Variants in ROBO1 observed in about 807,000 individuals in gnomAD.
The protein encoded by ROBO1 is roundabout homolog 1.
A neutral mutation model predicts 195.9 loss-of-function variants in ROBO1; 149 were observed. That is an observed-to-expected ratio of 0.76 (90% CI 0.67 to 0.87). The LOEUF (loss-of-function observed/expected upper bound fraction) is 0.87. Ranked by LOEUF, ROBO1 falls within the 40% of genes least tolerant of loss-of-function variation. ROBO1 has a pLI of 0.00. For missense variants in ROBO1, 1,933 were observed against 2,068.3 expected (o/e 0.93, Z 1.27); for synonymous variants, 816 against 733.2 (o/e 1.11, Z -1.82).
At chr3:78,602,860 A>G (rs1703256592) in intron 29 of ROBO1, among the ~76,000 whole-genome samples, 1 of 152,166 alleles carries the variant, frequency 6.6e-6, no homozygotes, top group African/African-American at 2.4e-5. Context: ...TACATTCTCT[A>G]AGACAGTGAA....
chr3:79,306,318 A>T (rs2033215640), intron 2 of ROBO1, among the ~76,000 whole-genome samples: 1 of 152,234 alleles, frequency 6.6e-6, no homozygotes, highest in Admixed American at 6.5e-5. Context: ...TGACCTTAGA[A>T]TTCAGGGGGT....
intron 2 of ROBO1, among the ~76,000 whole-genome samples, chr3:79,581,535 A>T (rs1943660799): frequency 6.6e-6 from 1 of 152,172 alleles, no homozygotes; most frequent in Non-Finnish European, 1.5e-5. Context: ...GACCAAGGCT[A>T]ATAAAGAGAC....
At chr3:78,663,752 G>T (rs181852104) in intron 14 of ROBO1, among the ~76,000 whole-genome samples, 1 of 152,246 alleles carries the variant, frequency 6.6e-6, no homozygotes, top group East Asian at 1.9e-4. Context: ...TGGACCCATA[G>T]TATATAGCAT....
At chr3:79,533,360 A>G (rs1414573132) in intron 2 of ROBO1, among the ~76,000 whole-genome samples, 1 of 152,340 alleles carries the variant, frequency 6.6e-6, no homozygotes, top group East Asian at 1.9e-4. Context: ...CAGAACTTCT[A>G]AATCAATATG....
At chr3:79,057,473 A>G (rs2078833021) in intron 3 of ROBO1, among the ~76,000 whole-genome samples, 1 of 151,818 alleles carries the variant, frequency 6.6e-6, no homozygotes. Context: ...ATCTGTGCCA[A>G]CTCCTCAGAA....
chr3:79,376,177 G>A (rs1273567470), intron 2 of ROBO1, among the ~76,000 whole-genome samples: 1 of 152,042 alleles, frequency 6.6e-6, no homozygotes, highest in Non-Finnish European at 1.5e-5. Flanking sequence ...CAACCCATTG[G>A]AAATCATGTG....
At chr3:78,822,407 C>T in intron 4 of ROBO1, among the ~76,000 whole-genome samples, 1 of 152,202 alleles carries the variant, frequency 6.6e-6, no homozygotes, top group South Asian at 2.1e-4. Flanking sequence ...ATTCTATAAG[C>T]ACCTGCTGAA....
intron 2 of ROBO1, among the ~76,000 whole-genome samples, chr3:79,399,720 A>C (rs1313209160): frequency 2.6e-5 from 4 of 152,048 alleles, no homozygotes; most frequent in Admixed American, 2.0e-4. Context: ...GGAAGAAAAA[A>C]CCTGATGCTT....
intron 2 of ROBO1, among the ~76,000 whole-genome samples, chr3:79,577,918 A>G (rs1943545382): frequency 6.6e-6 from 1 of 152,040 alleles, no homozygotes; most frequent in African/African-American, 2.4e-5. Flanking sequence ...TCTCAAAACA[A>G]AAAAACAAAA....
At chr3:79,250,916 G>A (rs547457327) in intron 2 of ROBO1, among the ~76,000 whole-genome samples, 1 of 152,084 alleles carries the variant, frequency 6.6e-6, no homozygotes, top group Non-Finnish European at 1.5e-5. Flanking sequence ...TTAGTCAGCT[G>A]TGGTGGCTCA....
chr3:79,559,093 C>T (rs1286734636), intron 2 of ROBO1, among the ~76,000 whole-genome samples: 1 of 152,160 alleles, frequency 6.6e-6, no homozygotes, highest in African/African-American at 2.4e-5. Flanking sequence ...AGGAAGCCAA[C>T]CGATCAGACC....
intron 19 of ROBO1, among the ~76,000 whole-genome samples, chr3:78,650,217 C>T (rs1706560295): frequency 6.6e-6 from 1 of 152,132 alleles, no homozygotes; most frequent in South Asian, 2.1e-4. Flanking sequence ...ATGTGCCTGA[C>T]ATTCTTCTAC....
At chr3:79,360,962 A>C (rs1398227134) in intron 2 of ROBO1, among the ~76,000 whole-genome samples, 1 of 152,120 alleles carries the variant, frequency 6.6e-6, no homozygotes. Flanking sequence ...AAATTGATCC[A>C]TGGTGCAGCC....
intron 2 of ROBO1, among the ~76,000 whole-genome samples, chr3:79,174,218 A>G (rs1007306034): frequency 6.6e-6 from 1 of 151,982 alleles, no homozygotes; most frequent in Non-Finnish European, 1.5e-5. Flanking sequence ...CTGCCTTTAT[A>G]AGCTGTAACA....
At chr3:78,916,245 CAAAAA>C (rs34944563) in intron 4 of ROBO1, among the ~76,000 whole-genome samples, 1 of 91,948 alleles carries the variant, frequency 1.1e-5, no homozygotes, top group Non-Finnish European at 2.1e-5. Context: ...GAGACTCCGT[CAAAAA>C]AAAAAAAAAA....
chr3:79,405,760 A>G (rs1406701925), intron 2 of ROBO1, among the ~76,000 whole-genome samples: 1 of 152,196 alleles, frequency 6.6e-6, no homozygotes, highest in Non-Finnish European at 1.5e-5. Context: ...TTTCTTTGCA[A>G]AAGAGATTTC....
At chr3:79,454,560 G>T (rs2039554951) in intron 2 of ROBO1, among the ~76,000 whole-genome samples, 1 of 152,052 alleles carries the variant, frequency 6.6e-6, no homozygotes, top group African/African-American at 2.4e-5. Flanking sequence ...GAGTTAAAGA[G>T]ATGTCATTCA....
chr3:79,206,865 A>T (rs77557058), intron 2 of ROBO1, among the ~76,000 whole-genome samples: 14,231 of 152,204 alleles, frequency 0.093, 1,183 homozygotes, highest in African/African-American at 0.22. Context: ...TATTTTAGAG[A>T]TAATTTCATT....
chr3:79,142,737 T>A (rs1027628670), intron 2 of ROBO1, among the ~76,000 whole-genome samples: 2 of 152,108 alleles, frequency 1.3e-5, no homozygotes, highest in Non-Finnish European at 2.9e-5. Context: ...TTACCACTTT[T>A]TAAGCGAGGT....
Sources: allele counts gnomAD v4.1 joint callset (sites outside exome capture counted in the v4.1 genomes callset), GRCh38; gene constraint gnomAD v4.1.1; transcripts MANE v1.5; gene names NCBI Gene and HGNC (gene_info 2026-07-23, HGNC 2026-07-21).